PPM1H: variants seen among roughly 807,000 people sequenced by gnomAD.
PPM1H encodes protein phosphatase 1H.
Under a neutral mutation model 54.9 loss-of-function variants are expected in PPM1H, and 27 were observed. That is an observed-to-expected ratio of 0.49 (90% CI 0.36 to 0.68). The LOEUF (loss-of-function observed/expected upper bound fraction) is 0.68, where lower values mean the gene tolerates loss of function less well. Among genes scored for constraint, PPM1H ranks in the 30% least tolerant of loss-of-function variants. The probability of loss-of-function intolerance (pLI) is 0.00; values close to 1 mark genes in which losing one functional copy is unlikely to be tolerated. For synonymous variants in PPM1H, 305 were observed against 270.8 expected, an observed-to-expected ratio of 1.13 and a Z score of -1.24; for missense variants, 596 against 667.8, an observed-to-expected ratio of 0.89 and a Z score of 1.19.
At chr12:62,663,618 G>C (rs1030156071) in intron 9 of PPM1H, among the ~76,000 whole-genome samples, 6 of 152,180 alleles carry the variant, frequency 3.9e-5, no homozygotes, top group African/African-American at 1.4e-4. Flanking sequence ...AACACCATTG[G>C]TATTATGGTT....
chr12:62,841,440 T>C (rs1372604566), intron 1 of PPM1H, among the ~76,000 whole-genome samples: 1 of 152,220 alleles, frequency 6.6e-6, no homozygotes, highest in Non-Finnish European at 1.5e-5. Context: ...TTACATATTG[T>C]CTCTTGTGGT....
At chr12:62,719,098 A>T (rs1325340074) in intron 6 of PPM1H, among the ~76,000 whole-genome samples, 3 of 152,194 alleles carry the variant, frequency 2.0e-5, no homozygotes, top group African/African-American at 2.4e-5. Context: ...AGAAGAGTGG[A>T]TACAGGTGAG....
intron 1 of PPM1H, among the ~76,000 whole-genome samples, chr12:62,872,721 G>T (rs1359606675): frequency 2.0e-5 from 3 of 152,102 alleles, no homozygotes; most frequent in African/African-American, 7.2e-5. Flanking sequence ...AGACCAATCA[G>T]GATGTGTGGA....
intron 9 of PPM1H, among the ~76,000 whole-genome samples, chr12:62,654,026 C>T (rs866434159): frequency 7.9e-5 from 12 of 151,774 alleles, no homozygotes; most frequent in Non-Finnish European, 1.8e-4. Context: ...TGGATTAACT[C>T]GGGCCCAGGA....
chr12:62,920,660 C>G (rs546898604), intron 1 of PPM1H, among the ~76,000 whole-genome samples: 1 of 151,640 alleles, frequency 6.6e-6, no homozygotes, highest in Non-Finnish European at 1.5e-5. Flanking sequence ...TCTTAATAGT[C>G]CCTTCTTTAT....
At chr12:62,649,698 T>A (rs1206447535) in intron 9 of PPM1H, among the ~76,000 whole-genome samples, 1 of 152,220 alleles carries the variant, frequency 6.6e-6, no homozygotes, top group Non-Finnish European at 1.5e-5. Context: ...TCTGCCTCCC[T>A]GTGTAGGCCT....
intron 1 of PPM1H, among the ~76,000 whole-genome samples, chr12:62,932,628 C>CGTTTTTTTTT (rs1872176719): frequency 1.9e-5 from 1 of 54,012 alleles, no homozygotes; most frequent in Non-Finnish European, 3.2e-5. Context: ...TCCAAATGGG[C>CGTTTTTTTTT]TTTTTTTTTT....
chr12:62,785,685 G>A (rs2076666666), intron 4 of PPM1H, among the ~76,000 whole-genome samples: 1 of 152,118 alleles, frequency 6.6e-6, no homozygotes, highest in Non-Finnish European at 1.5e-5. Flanking sequence ...AGTCTGGTCT[G>A]GAAATTGGCA....
In PPM1H at chr12:62,894,734, T is replaced by C. The variant is rs1320129367; in HGVS notation, c.245+39758A>G. ...ATGCCTATCCTATTTGAAAGGCTTA[T>C]TCATAAGTTCAAATTTGCTAGGCGC... On this transcript the variant is annotated intron_variant, in intron 1 of 9. Coordinates refer to ENST00000228705, the MANE Select transcript of PPM1H (RefSeq NM_020700.2). 2.0e-5 allele frequency among the ~76,000 whole-genome samples: 3 copies of C among 152,336 alleles called. No homozygotes were observed. In the South Asian group the frequency reaches 6.2e-4, roughly 32 times the overall value.
At chr12:62,714,230 T>G (rs1242422971) in intron 6 of PPM1H, among the ~76,000 whole-genome samples, 1 of 152,172 alleles carries the variant, frequency 6.6e-6, no homozygotes, top group Admixed American at 6.5e-5. Context: ...TTTTTAATTT[T>G]ATGTAATTTA....
chr12:62,880,028 T>TC (rs1870333147), intron 1 of PPM1H, among the ~76,000 whole-genome samples: 1 of 152,192 alleles, frequency 6.6e-6, no homozygotes, highest in East Asian at 1.9e-4. Flanking sequence ...TCTTTATTTT[T>TC]CAAAACCTAC....
intron 9 of PPM1H, among the ~76,000 whole-genome samples, chr12:62,662,299 A>C (rs564810324): frequency 2.0e-5 from 3 of 152,230 alleles, no homozygotes; most frequent in African/African-American, 7.2e-5. Flanking sequence ...TCAACATGAG[A>C]ATGTTGCTAA....
chr12:62,843,809 G>A (rs1175454793), intron 1 of PPM1H, among the ~76,000 whole-genome samples: 1 of 152,114 alleles, frequency 6.6e-6, no homozygotes, highest in Non-Finnish European at 1.5e-5. Flanking sequence ...TAATTAACCT[G>A]CAGAGAAAGT....
At chr12:62,883,052 C>A (rs1474844550) in intron 1 of PPM1H, among the ~76,000 whole-genome samples, 3 of 152,158 alleles carry the variant, frequency 2.0e-5, no homozygotes, top group African/African-American at 4.8e-5. Flanking sequence ...CTGTGAGTAA[C>A]CTCCACTAAA....
chr12:62,684,491 CAT>C (rs1034327058), intron 8 of PPM1H, among the ~76,000 whole-genome samples: 5 of 152,102 alleles, frequency 3.3e-5, no homozygotes, highest in South Asian at 2.1e-4. Flanking sequence ...ATTTGATCCA[CAT>C]GTTTTTGATT....
chr12:62,892,563 T>G (rs545807720), intron 1 of PPM1H, among the ~76,000 whole-genome samples: 1 of 152,316 alleles, frequency 6.6e-6, no homozygotes, highest in East Asian at 1.9e-4. Flanking sequence ...TTCTATAACT[T>G]TCTACACATA....
At chr12:62,684,351 G>A (rs889062903) in intron 8 of PPM1H, among the ~76,000 whole-genome samples, 5 of 152,142 alleles carry the variant, frequency 3.3e-5, no homozygotes, top group East Asian at 1.9e-4. Flanking sequence ...CAAACCTGGC[G>A]GCTGCTCTTT....
intron 8 of PPM1H, among the ~76,000 whole-genome samples, chr12:62,680,464 G>T (rs1375352322): frequency 6.6e-6 from 1 of 151,980 alleles, no homozygotes; most frequent in Non-Finnish European, 1.5e-5. Context: ...CTATAGCTAC[G>T]TGCCACCATG....
chr12:62,797,572 G>A (rs982688870), intron 3 of PPM1H, among the ~76,000 whole-genome samples: 2 of 152,162 alleles, frequency 1.3e-5, no homozygotes, highest in African/African-American at 4.8e-5. Flanking sequence ...CTGTCCTCGG[G>A]TTGCCTGGCA....
Sources: allele counts gnomAD v4.1 joint callset (sites outside exome capture counted in the v4.1 genomes callset), GRCh38; gene constraint gnomAD v4.1.1; transcripts MANE v1.5; gene names NCBI Gene and HGNC (gene_info 2026-07-23, HGNC 2026-07-21).